Variants in RALYL observed in about 807,000 individuals in gnomAD.
The protein encoded by RALYL is RNA-binding Raly-like protein.
A neutral mutation model predicts 35.1 loss-of-function variants in RALYL; 29 were observed. The observed-to-expected ratio is 0.83, with a 90% CI of 0.61 to 1.13. RALYL has a LOEUF of 1.13. Ranked by LOEUF, RALYL falls within the 50% of genes most tolerant of loss-of-function variation. The probability of loss-of-function intolerance (pLI) is 0.00; values close to 1 mark genes in which losing one functional copy is unlikely to be tolerated. For synonymous variants in RALYL, 120 were observed against 127.6 expected (o/e 0.94, Z 0.40); for missense variants, 359 against 360.4 (o/e 1.00, Z 0.03).
At chr8:84,566,096 A>T (rs867325338) in intron 2 of RALYL, among the ~76,000 whole-genome samples, 2 of 151,492 alleles carry the variant, frequency 1.3e-5, no homozygotes, top group Non-Finnish European at 3.0e-5. Flanking sequence ...GTATTTTTTC[A>T]CAGGGGCCAT....
chr8:84,401,499 G>A (rs1319075280), intron 1 of RALYL, among the ~76,000 whole-genome samples: 8 of 151,686 alleles, frequency 5.3e-5, no homozygotes, highest in African/African-American at 1.2e-4. Flanking sequence ...TTAGCCGGGC[G>A]CGGTGGCGGG....
At chr8:84,824,859 A>T (rs1247900332) in intron 4 of RALYL, among the ~76,000 whole-genome samples, 2 of 152,324 alleles carry the variant, frequency 1.3e-5, no homozygotes, top group African/African-American at 2.4e-5. Context: ...TACAAAAATT[A>T]ACTCAAATTG....
At chr8:84,743,033 T>A (rs1340515832) in intron 2 of RALYL, among the ~76,000 whole-genome samples, 2 of 152,002 alleles carry the variant, frequency 1.3e-5, no homozygotes, top group Admixed American at 6.6e-5. Context: ...TCTTCTGTTA[T>A]TTCCTGGCAA....
intron 1 of RALYL, among the ~76,000 whole-genome samples, chr8:84,372,824 A>G (rs564257932): frequency 1.8e-4 from 26 of 147,228 alleles, no homozygotes; most frequent in African/African-American, 6.4e-4. Context: ...GATTGAACTA[A>G]TTTACACTCC....
intron 1 of RALYL, among the ~76,000 whole-genome samples, chr8:84,298,960 A>G (rs2132331550): frequency 6.6e-6 from 1 of 152,126 alleles, no homozygotes; most frequent in East Asian, 1.9e-4. Context: ...AGCTTTTGCG[A>G]AGAGACTATA....
chr8:84,644,241 C>G (rs552169355), intron 2 of RALYL, among the ~76,000 whole-genome samples: 2 of 152,080 alleles, frequency 1.3e-5, no homozygotes, highest in African/African-American at 2.4e-5. Context: ...TTTTAAAATG[C>G]ACTTTTAGGC....
At chr8:84,753,952 T>C (rs1017548549) in intron 2 of RALYL, among the ~76,000 whole-genome samples, 1 of 152,152 alleles carries the variant, frequency 6.6e-6, no homozygotes, top group Non-Finnish European at 1.5e-5. Flanking sequence ...GAGAAGTGTC[T>C]GTTCATGTCC....
At chr8:84,355,149 A>G (rs1408020553) in intron 1 of RALYL, among the ~76,000 whole-genome samples, 1 of 150,442 alleles carries the variant, frequency 6.6e-6, no homozygotes, top group Non-Finnish European at 1.5e-5. Context: ...GTTATTTGAT[A>G]TATCTAGAAT....
chr8:84,495,502 G>T lies in RALYL; in HGVS notation c.-23-33797G>T, dbSNP rs73292064. On this transcript the variant is annotated intron_variant, in intron 1 of 8. Transcript: ENST00000521268. ...ATTTTAAAAATATCTAACAAAAATG[G>T]ATATTTAAAGAAATACACCTTGAAA... Among the ~76,000 whole-genome samples the T allele has an allele frequency of 4.1e-3, 626 of 151,888 alleles. 5 individuals are homozygous for T. The highest frequency in any genetic ancestry group is 0.014 in the African/African-American group (581 of 41,476).
At chr8:84,243,877 G>A (rs1828528648) in intron 1 of RALYL, among the ~76,000 whole-genome samples, 1 of 152,112 alleles carries the variant, frequency 6.6e-6, no homozygotes, top group Non-Finnish European at 1.5e-5. Context: ...GAGGATATAA[G>A]TCAGGAGGAC....
chr8:84,705,913 G>T, intron 2 of RALYL: 1 of 1,490,218 alleles, frequency 6.7e-7, no homozygotes, highest in Non-Finnish European at 8.9e-7. Context: ...TGTGATTGCT[G>T]GTTACCTTCT....
At chr8:84,639,231 C>G (rs1165538671) in intron 2 of RALYL, among the ~76,000 whole-genome samples, 1 of 150,648 alleles carries the variant, frequency 6.6e-6, no homozygotes, top group Admixed American at 6.6e-5. Context: ...TTATTGACTG[C>G]TAGAGAAAAA....
intron 1 of RALYL, among the ~76,000 whole-genome samples, chr8:84,357,318 A>G (rs539612855): frequency 1.3e-4 from 20 of 152,162 alleles, no homozygotes; most frequent in Admixed American, 9.8e-4. Context: ...GCAAAGAAAG[A>G]TTGATTTCCT....
At chr8:84,543,280 G>A (rs113160295) in intron 2 of RALYL, among the ~76,000 whole-genome samples, 1,827 of 149,420 alleles carry the variant, frequency 0.012, 41 homozygotes, top group African/African-American at 0.042. Flanking sequence ...TTTTTTTGCT[G>A]GAATTATTCT....
intron 1 of RALYL, among the ~76,000 whole-genome samples, chr8:84,519,080 T>C (rs2058271808): frequency 6.6e-6 from 1 of 152,190 alleles, no homozygotes. Context: ...CTTCATATAC[T>C]ACATCAATTA....
chr8:84,792,341 C>T (rs551813927), intron 3 of RALYL, among the ~76,000 whole-genome samples: 41 of 152,198 alleles, frequency 2.7e-4, no homozygotes, highest in Admixed American at 2.2e-3. Flanking sequence ...GGCCACCCAG[C>T]GGCCAATCTC....
intron 1 of RALYL, among the ~76,000 whole-genome samples, chr8:84,378,714 G>A (rs1307435737): frequency 6.6e-6 from 1 of 151,730 alleles, no homozygotes; most frequent in African/African-American, 2.4e-5. Flanking sequence ...GCCTTTTTGA[G>A]ATGATAACTT....
At chr8:84,622,816 A>G (rs78855493) in intron 2 of RALYL, among the ~76,000 whole-genome samples, 1 of 152,342 alleles carries the variant, frequency 6.6e-6, no homozygotes, top group East Asian at 1.9e-4. Context: ...AAAAATAGAC[A>G]TATCTGTGTC....
chr8:84,339,614 T>C (rs1332815780), intron 1 of RALYL, among the ~76,000 whole-genome samples: 1 of 151,912 alleles, frequency 6.6e-6, no homozygotes, highest in Non-Finnish European at 1.5e-5. Flanking sequence ...ACATGTAATG[T>C]TCTTGAATTA....
Sources: gnomAD v4.1 joint callset for allele counts (sites outside exome capture counted in the v4.1 genomes callset) on GRCh38, gnomAD v4.1.1 for gene constraint, MANE v1.5 for transcripts, NCBI Gene and HGNC (gene_info 2026-07-23, HGNC 2026-07-21) for gene names.